SCARB1: variants seen among roughly 807,000 people sequenced by gnomAD.
SCARB1 encodes scavenger receptor class B member 1.
In SCARB1, 30 loss-of-function variants were observed where a neutral mutation model predicts 57.2. The observed-to-expected ratio is 0.52, with a 90% CI of 0.39 to 0.71. The LOEUF is 0.71. Ranked by LOEUF, SCARB1 falls within the 30% of genes least tolerant of loss-of-function variation. The probability of loss-of-function intolerance (pLI) is 0.00; values close to 1 mark genes in which losing one functional copy is unlikely to be tolerated. For synonymous variants in SCARB1, 249 were observed against 268.3 expected (o/e 0.93, Z 0.70); for missense variants, 543 against 671.2 (o/e 0.81, Z 2.11).
rs112295262 is a variant in SCARB1, at chr12:124,835,863, G to A, written c.127-18156C>T. ...GCCTGCATGCCACGTGGCCCAGCCC[G>A]CTGGAGCAAAGCAGGAGCCGCTTCA... On this transcript the variant is annotated intron_variant, in intron 1 of 12. Transcript: ENST00000261693. 1.6e-3 allele frequency among the ~76,000 whole-genome samples: 241 copies of A among 152,336 alleles called. 1 individual carries two copies. Among genetic ancestry groups the A allele is most frequent in the African/African-American group, 5.4e-3 (226 of 41,574 alleles).
chr12:124,799,154 A>G (rs948812176), intron 8 of SCARB1, among the ~76,000 whole-genome samples: 5 of 152,216 alleles, frequency 3.3e-5, no homozygotes, highest in African/African-American at 1.2e-4. Flanking sequence ...TGATTTAGGT[A>G]TTCCACAAGT....
chr12:124,808,724 C>T (rs925706629), intron 6 of SCARB1, among the ~76,000 whole-genome samples: 8 of 152,132 alleles, frequency 5.3e-5, no homozygotes, highest in Non-Finnish European at 1.0e-4. Context: ...ACTCTGTCCA[C>T]GGCAGCCACT....
chr12:124,849,347 G>A (rs1952297171), intron 1 of SCARB1, among the ~76,000 whole-genome samples: 1 of 151,886 alleles, frequency 6.6e-6, no homozygotes, highest in Non-Finnish European at 1.5e-5. Flanking sequence ...CTCTGCCCAC[G>A]GCACACCCCT....
At chr12:124,833,825 C>T (rs77145361) in intron 1 of SCARB1, among the ~76,000 whole-genome samples, 15,321 of 152,316 alleles carry the variant, frequency 0.1, 848 homozygotes, top group Middle Eastern at 0.16. Flanking sequence ...CACACGTCCC[C>T]CGCTTTTGAA....
chr12:124,840,135 G>A lies in SCARB1; in HGVS notation c.127-22428C>T, dbSNP rs184650967. ...TCTCACTGATTCTCATTTCCCTAAC[G>A]ATGAGCGAGTGTCGCTGAGCACACT... On this transcript the variant is annotated intron_variant, in intron 1 of 12. Transcript: ENST00000261693. 41 of 1,187,346 alleles carry A rather than the reference G, an allele frequency of 3.5e-5. No homozygotes were observed. In the East Asian group the frequency reaches 1.8e-3, roughly 52 times the overall value. The allele number at this position is 1,187,346 out of a possible 1,614,324, so 73.6% of individuals were successfully genotyped here.
chr12:124,847,166 C>CA (rs1287722846), intron 1 of SCARB1, among the ~76,000 whole-genome samples: 4 of 152,148 alleles, frequency 2.6e-5, no homozygotes, highest in Non-Finnish European at 2.9e-5. Context: ...GCAAATTTCA[C>CA]AAAAAACAGA....
At position 124,778,466 on chromosome 12, in the gene SCARB1, C is replaced by A. The variant is rs1239760653; in HGVS notation, c.*121G>T. 7.5e-7 allele frequency: 1 copy of A among 1,333,330 alleles called. No individual in the cohort carries two copies. 82.6% of individuals were successfully genotyped at this position (1,333,330 alleles called of 1,614,324 possible). On this transcript the variant is annotated 3_prime_UTR_variant, in exon 13 of 13. Coordinates refer to ENST00000261693, the MANE Select transcript of SCARB1 (RefSeq NM_005505.5). Reference sequence around the variant, plus strand: ...CAACAGGCACATGGCAGCTGGGAGGCTCAGGCTGTGGGGCTGGGGGGCTGT... The same window carrying A: ...CAACAGGCACATGGCAGCTGGGAGGATCAGGCTGTGGGGCTGGGGGGCTGT...
intron 9 of SCARB1, among the ~76,000 whole-genome samples, chr12:124,793,892 C>G (rs1190402677): frequency 6.6e-6 from 1 of 152,106 alleles, no homozygotes; most frequent in Non-Finnish European, 1.5e-5. Context: ...CATAACGGCC[C>G]AGGCGTGGAA....
intron 1 of SCARB1, among the ~76,000 whole-genome samples, chr12:124,846,874 C>A (rs1952181186): frequency 6.6e-6 from 1 of 151,448 alleles, no homozygotes; most frequent in South Asian, 2.1e-4. Flanking sequence ...CCCACAAATA[C>A]CATATGAAGT....
chr12:124,839,642 A>T lies in SCARB1; in HGVS notation c.127-21935T>A, dbSNP rs556848801. 5 of 985,296 alleles carry T rather than the reference A, an allele frequency of 5.1e-6. No homozygotes were observed. The East Asian group carries it at 5.7e-4, about 112-fold the overall frequency. 61.0% of individuals were successfully genotyped at this position (985,296 alleles called of 1,614,324 possible). A position where few individuals can be genotyped will look rare whatever the true frequency, so the allele number is the denominator to read the frequency against. ...CCACACAGCAGCTGCACCATCCTAC[A>T]TTCCCAACGGCACACATGGGCCCCG... On this transcript the variant is annotated intron_variant, in intron 1 of 12. Transcript: ENST00000261693.
intron 6 of SCARB1, among the ~76,000 whole-genome samples, chr12:124,809,079 T>G (rs1454799024): frequency 6.6e-6 from 1 of 152,188 alleles, no homozygotes; most frequent in African/African-American, 2.4e-5. Context: ...ATTATGGTTA[T>G]GTAAGAAAAT....
intron 1 of SCARB1, among the ~76,000 whole-genome samples, chr12:124,842,692 A>G (rs1951952117): frequency 6.6e-6 from 1 of 152,216 alleles, no homozygotes. Context: ...GTCTTACTGG[A>G]AAGGACCCCT....
At chr12:124,779,068 G>A (rs572315514) in intron 12 of SCARB1, among the ~76,000 whole-genome samples, 94 of 152,014 alleles carry the variant, frequency 6.2e-4, no homozygotes, top group African/African-American at 2.0e-3. Context: ...CTCCCACCTC[G>A]GCCTCCCAAG....
At chr12:124,809,200 G>A (rs982243071) in intron 6 of SCARB1, among the ~76,000 whole-genome samples, 2 of 152,214 alleles carry the variant, frequency 1.3e-5, no homozygotes, top group South Asian at 4.1e-4. Flanking sequence ...AAGAGGGGGT[G>A]GGGGGCTTAA....
chr12:124,824,812 C>G (rs1334560048), intron 1 of SCARB1, among the ~76,000 whole-genome samples: 1 of 152,250 alleles, frequency 6.6e-6, no homozygotes, highest in Non-Finnish European at 1.5e-5. Context: ...GGGCCACGAC[C>G]TGCACACCCA....
At chr12:124,844,577 G>C (rs1952061315) in intron 1 of SCARB1, among the ~76,000 whole-genome samples, 1 of 151,970 alleles carries the variant, frequency 6.6e-6, no homozygotes. Flanking sequence ...GAGGTCAGTG[G>C]GGTGAGCCCT....
chr12:124,817,502 T>G lies in SCARB1; in HGVS notation c.284+48A>C. ...CCCGTCCACTCTGAGACCCCTCCCC[T>G]GCCCAGCCTCAGCCGGCCCCTCCAC... On this transcript the variant is annotated intron_variant, in intron 2 of 12. Transcript: ENST00000261693. This position sits in a 1 kb window ranked among gnomAD's most constrained non-coding sequence, Gnocchi z 4.8. 7 of 1,596,734 alleles carry G rather than the reference T, an allele frequency of 4.4e-6. No homozygotes were observed. Among genetic ancestry groups the G allele is most frequent in the Non-Finnish European group, 5.1e-6 (6 of 1,170,878 alleles).
chr12:124,840,131 T>C, intron 1 of SCARB1: 1 of 1,199,000 alleles, frequency 8.3e-7, no homozygotes, highest in Non-Finnish European at 1.1e-6. Context: ...CTCATTTCCC[T>C]AACGATGAGC....
chr12:124,827,736 C>T (rs905701923), intron 1 of SCARB1, among the ~76,000 whole-genome samples: 11 of 152,180 alleles, frequency 7.2e-5, no homozygotes, highest in Admixed American at 2.6e-4. Context: ...CTCACCCCTT[C>T]GAATCTCTGC....
Sources: allele counts gnomAD v4.1 joint callset (sites outside exome capture counted in the v4.1 genomes callset), GRCh38; gene constraint gnomAD v4.1.1; non-coding constraint Gnocchi (gnomAD v3.1); transcripts MANE v1.5; gene names NCBI Gene and HGNC (gene_info 2026-07-23, HGNC 2026-07-21).